IFT70A: variants seen among roughly 807,000 people sequenced by gnomAD.
The protein encoded by IFT70A is intraflagellar transport 70A, also known as intraflagellar transport protein 70A.
At chr2:177,616,874 G>T in the IFT70A span, 1 of 1,593,166 alleles carries the variant, frequency 6.3e-7, no homozygotes, top group East Asian at 2.2e-5. Context: ...ACACATTCTT[G>T]AATAACACTG....
At chr2:177,616,712 T>G in the IFT70A span, 2 of 1,520,748 alleles carry the variant, frequency 1.3e-6, no homozygotes, top group African/African-American at 2.8e-5. Flanking sequence ...AACTACTTAT[T>G]CCATCCTATA....
At chr2:177,616,023 A>C in the IFT70A span, 1 of 152,198 alleles carries the variant, frequency 6.6e-6, no homozygotes, top group Non-Finnish European at 1.5e-5. Flanking sequence ...AAAAACGTTT[A>C]TTATAAAACT....
At chr2:177,617,987 C>G in the IFT70A span, 22 of 1,614,110 alleles carry the variant, frequency 1.4e-5, no homozygotes, top group Non-Finnish European at 1.9e-5. Context: ...GTGTTGCCAA[C>G]ACTGCGAACA....
the IFT70A span, chr2:177,613,941 A>G: frequency 2.0e-5 from 3 of 152,082 alleles, no homozygotes; most frequent in South Asian, 6.2e-4. Flanking sequence ...GGTCTCACTT[A>G]AACTAACAAA....
the IFT70A span, chr2:177,618,619 G>C: frequency 6.2e-7 from 1 of 1,609,430 alleles, no homozygotes; most frequent in Non-Finnish European, 8.5e-7. Context: ...CACCGCCTCG[G>C]CGTAGCGGGC....
At chr2:177,618,606 C>G in the IFT70A span, 1 of 1,607,444 alleles carries the variant, frequency 6.2e-7, no homozygotes. Flanking sequence ...GGCCCAGCAG[C>G]TGCACCGCCT....
chr2:177,617,674 A>G, the IFT70A span: 1 of 1,614,126 alleles, frequency 6.2e-7, no homozygotes, highest in Admixed American at 1.7e-5. Flanking sequence ...ATTTTCTGCC[A>G]GGACATCTGC....
the IFT70A span, chr2:177,615,967 C>G: frequency 6.6e-6 from 1 of 151,998 alleles, no homozygotes; most frequent in Non-Finnish European, 1.5e-5. Context: ...TCAGTATCCA[C>G]AAGGAGGCAA....
At chr2:177,618,675 G>C in the IFT70A span, 4 of 1,594,764 alleles carry the variant, frequency 2.5e-6, no homozygotes, top group Non-Finnish European at 3.4e-6. Flanking sequence ...CCCCGTCGGG[G>C]ATCTGCGCGC....
At chr2:177,614,845 AGG>A in the IFT70A span, 1 of 152,132 alleles carries the variant, frequency 6.6e-6, no homozygotes, top group Admixed American at 6.5e-5. Context: ...CTTTGAAGAC[AGG>A]GGGAGAAAAC....
chr2:177,618,721 C>G, the IFT70A span: 5 of 1,523,830 alleles, frequency 3.3e-6, no homozygotes, highest in East Asian at 4.6e-5. Flanking sequence ...GGCTGTTATG[C>G]GTGCGGTTAC....
the IFT70A span, chr2:177,614,609 C>T: frequency 6.6e-6 from 1 of 152,110 alleles, no homozygotes; most frequent in South Asian, 2.1e-4. Flanking sequence ...AATCATAGTG[C>T]TCACTCACTT....
At chr2:177,617,615 C>T in the IFT70A span, 2 of 1,614,226 alleles carry the variant, frequency 1.2e-6, no homozygotes, top group Admixed American at 3.3e-5. Context: ...ATCAGGGCAT[C>T]TAAGAAGTCA....
the IFT70A span, chr2:177,618,095 G>C: frequency 6.2e-7 from 1 of 1,614,234 alleles, no homozygotes; most frequent in Non-Finnish European, 8.5e-7. Context: ...GAGGCATACT[G>C]TCGGCTGCTG....
At chr2:177,617,801 T>A in the IFT70A span, 1 of 1,614,166 alleles carries the variant, frequency 6.2e-7, no homozygotes, top group East Asian at 2.2e-5. Context: ...TCTGTAGGCC[T>A]GGCATCCATG....
chr2:177,616,935 G>A, the IFT70A span: 11 of 1,603,732 alleles, frequency 6.9e-6, no homozygotes, highest in Non-Finnish European at 9.3e-6. Flanking sequence ...AGGACAGGAA[G>A]CATCTTTTGG....
chr2:177,618,631 T>G, the IFT70A span: 1 of 1,610,078 alleles, frequency 6.2e-7, no homozygotes, highest in South Asian at 1.1e-5. Context: ...GTAGCGGGCA[T>G]CGCGGATGAG....
the IFT70A span, chr2:177,618,613 G>A: frequency 1.2e-6 from 2 of 1,608,562 alleles, no homozygotes; most frequent in Non-Finnish European, 1.7e-6. Flanking sequence ...CAGCTGCACC[G>A]CCTCGGCGTA....
chr2:177,617,100 A>T, the IFT70A span: 42 of 1,612,374 alleles, frequency 2.6e-5, no homozygotes, highest in Non-Finnish European at 3.5e-5. Flanking sequence ...GATTTGGGTC[A>T]TCATAAGAGA....
Sources: gnomAD v4.1 joint callset for allele counts on GRCh38, gnomAD v4.1.1 for gene constraint, MANE v1.5 for transcripts, NCBI Gene and HGNC (gene_info 2026-07-23, HGNC 2026-07-21) for gene names.